EYA1: variants seen among roughly 807,000 people sequenced by gnomAD.
EYA1 encodes protein phosphatase EYA1.
In EYA1, 16 loss-of-function variants were observed where a neutral mutation model predicts 82.0. That is an observed-to-expected ratio of 0.20 (90% CI 0.13 to 0.30). The LOEUF (loss-of-function observed/expected upper bound fraction) is 0.30. EYA1 is among the 10% of genes least tolerant of loss of function. EYA1 has a pLI of 1.00. For synonymous variants in EYA1, 261 were observed against 264.4 expected (o/e 0.99, Z 0.12); for missense variants, 633 against 730.7 (o/e 0.87, Z 1.54).
chr8:71,470,894 C>G (rs1563646135), intron 2 of EYA1: 2 of 454,736 alleles, frequency 4.4e-6, no homozygotes, highest in Non-Finnish European at 8.8e-6. Flanking sequence ...TGTGGTTGCT[C>G]CAAATGTCGT....
intron 4 of EYA1, among the ~76,000 whole-genome samples, chr8:71,327,778 G>A (rs1465569833): frequency 6.6e-6 from 1 of 151,844 alleles, no homozygotes; most frequent in Non-Finnish European, 1.5e-5. Flanking sequence ...CATCAGAGTG[G>A]CTCCATTTCT....
intron 2 of EYA1, among the ~76,000 whole-genome samples, chr8:71,516,136 C>T (rs1454798543): frequency 6.6e-6 from 1 of 152,076 alleles, no homozygotes; most frequent in East Asian, 1.9e-4. Flanking sequence ...TTTTTGGTGC[C>T]TCTCCCAATA....
intron 7 of EYA1, among the ~76,000 whole-genome samples, chr8:71,317,337 T>C (rs375208786): frequency 3.3e-5 from 5 of 152,210 alleles, no homozygotes; most frequent in Admixed American, 2.0e-4. Flanking sequence ...AAGAATGTTA[T>C]AGATCATCCA....
intron 2 of EYA1, among the ~76,000 whole-genome samples, chr8:71,460,206 G>GT (rs1484593030): frequency 1.3e-5 from 2 of 152,176 alleles, no homozygotes; most frequent in Admixed American, 6.5e-5. Flanking sequence ...TGAAATAGCA[G>GT]TGTGCTCAAA....
In EYA1 at chr8:71,339,382, T is replaced by C. The variant is rs142411233; in HGVS notation, c.125-5208A>G. ...AGATGGATGAGTATAGCAGAACAGG[T>C]GCCATACATGCTGGCCAAGTCCACT... On this transcript the variant is annotated intron_variant, in intron 3 of 17. Transcript: ENST00000340726. Among the ~76,000 whole-genome samples the C allele has an allele frequency of 5.3e-3, 812 of 152,322 alleles. 5 individuals carry two copies. Among genetic ancestry groups the C allele is most frequent in the Middle Eastern group, 0.017 (5 of 294 alleles).
chr8:71,216,389 G>C (rs1282823029), intron 14 of EYA1, among the ~76,000 whole-genome samples: 1 of 75,080 alleles, frequency 1.3e-5, no homozygotes, highest in African/African-American at 4.1e-5. Context: ...GGCAGAGGTG[G>C]CTAATTCTTC....
intron 4 of EYA1, among the ~76,000 whole-genome samples, chr8:71,331,985 C>A (rs936260702): frequency 1.3e-5 from 2 of 151,980 alleles, no homozygotes; most frequent in Non-Finnish European, 2.9e-5. Context: ...GTAGCTGGGA[C>A]CACAGGCGCA....
chr8:71,325,497 G>A (rs1823049475), intron 4 of EYA1, among the ~76,000 whole-genome samples: 1 of 152,130 alleles, frequency 6.6e-6, no homozygotes, highest in African/African-American at 2.4e-5. Flanking sequence ...ATGTGGTAGA[G>A]GGAATCAACA....
At chr8:71,532,972 A>G (rs1814410598) in intron 2 of EYA1, among the ~76,000 whole-genome samples, 1 of 152,258 alleles carries the variant, frequency 6.6e-6, no homozygotes, top group Non-Finnish European at 1.5e-5. Flanking sequence ...GGACATGTGC[A>G]ACATCACTGA....
intron 2 of EYA1, among the ~76,000 whole-genome samples, chr8:71,447,538 T>G (rs1193587876): frequency 2.0e-5 from 3 of 152,184 alleles, no homozygotes; most frequent in Non-Finnish European, 4.4e-5. Context: ...ATTTTAAAAT[T>G]TCTATCTAAT....
At chr8:71,536,423 C>A (rs1211686667) in intron 1 of EYA1, among the ~76,000 whole-genome samples, 2 of 152,092 alleles carry the variant, frequency 1.3e-5, no homozygotes, top group Non-Finnish European at 2.9e-5. Context: ...AGACTCAACA[C>A]CTTCAGGAAG....
chr8:71,455,156 G>C (rs932369933), intron 2 of EYA1, among the ~76,000 whole-genome samples: 11 of 152,122 alleles, frequency 7.2e-5, no homozygotes, highest in African/African-American at 2.7e-4. Context: ...AGAAAATCTA[G>C]AAGAAATGGA....
At chr8:71,510,689 G>A (rs1237131529) in intron 2 of EYA1, among the ~76,000 whole-genome samples, 1 of 152,138 alleles carries the variant, frequency 6.6e-6, no homozygotes, top group Non-Finnish European at 1.5e-5. Flanking sequence ...ACACATAGGG[G>A]GTTATTACAG....
intron 2 of EYA1, among the ~76,000 whole-genome samples, chr8:71,415,599 T>A (rs759246909): frequency 6.6e-6 from 1 of 152,176 alleles, no homozygotes; most frequent in Non-Finnish European, 1.5e-5. Flanking sequence ...CTGGGAATCA[T>A]CCCAACATAT....
intron 3 of EYA1, among the ~76,000 whole-genome samples, chr8:71,346,622 T>A (rs1283280270): frequency 6.6e-6 from 1 of 151,894 alleles, no homozygotes; most frequent in Admixed American, 6.6e-5. Context: ...TTATCACTAT[T>A]AATATACTAA....
chr8:71,516,856 A>G (rs1813012767), intron 2 of EYA1, among the ~76,000 whole-genome samples: 1 of 152,076 alleles, frequency 6.6e-6, no homozygotes, highest in African/African-American at 2.4e-5. Context: ...TTAAATTCCA[A>G]TTCTGTATTT....
At chr8:71,489,264 T>C (rs1810810783) in intron 2 of EYA1, among the ~76,000 whole-genome samples, 1 of 152,222 alleles carries the variant, frequency 6.6e-6, no homozygotes, top group African/African-American at 2.4e-5. Context: ...ACATTTATCT[T>C]TGTTAACTAC....
intron 3 of EYA1, among the ~76,000 whole-genome samples, chr8:71,346,448 A>ATATATATATATATATATATC (rs1554561621): frequency 7.4e-6 from 1 of 135,300 alleles, no homozygotes; most frequent in African/African-American, 3.0e-5. Context: ...ATATATATAT[A>ATATATATATATATATATATC]TATATATCTA....
chr8:71,364,649 T>C (rs1827634112), upstream of EYA1, among the ~76,000 whole-genome samples: 1 of 151,976 alleles, frequency 6.6e-6, no homozygotes, highest in South Asian at 2.1e-4. Context: ...TCTCAATACA[T>C]AAATGTATGG....
Sources: gnomAD v4.1 joint callset for allele counts (sites outside exome capture counted in the v4.1 genomes callset) on GRCh38, gnomAD v4.1.1 for gene constraint, MANE v1.5 for transcripts, NCBI Gene and HGNC (gene_info 2026-07-23, HGNC 2026-07-21) for gene names.